RAB11FIP3: variants seen among roughly 807,000 people sequenced by gnomAD.
RAB11FIP3 encodes rab11 family-interacting protein 3.
A neutral mutation model predicts 77.8 loss-of-function variants in RAB11FIP3; 17 were observed. The ratio of observed to expected loss-of-function variants is 0.22; its 90% CI spans 0.15 to 0.33. The LOEUF is 0.33. RAB11FIP3 is among the 10% of genes least tolerant of loss of function. The pLI is 1.00. For missense variants in RAB11FIP3, 1,005 were observed against 1,011.2 expected, an observed-to-expected ratio of 0.99 and a Z score of 0.08; for synonymous variants, 437 against 448.2, an observed-to-expected ratio of 0.98 and a Z score of 0.31.
intron 3 of RAB11FIP3, among the ~76,000 whole-genome samples, chr16:475,394 T>C (rs117622026): frequency 0.012 from 1,824 of 152,376 alleles, 15 homozygotes; most frequent in Non-Finnish European, 0.02. Flanking sequence ...TGATGGCTTC[T>C]GGGCAAGGCC....
chr16:426,140 TC>T lies in RAB11FIP3; in HGVS notation c.135del (p.Gly46AlafsTer194). Reference protein sequence around the residue: ...GPAELRLGAPVGGPDPQSPGL... With the variant: ...GPAELRLGAPXGGPDPQSPGL... Reference sequence around the variant, plus strand: ...GCGGAGCTACGCCTCGGAGCGCCCGTCGGCGGCCCCGACCCGCAGTCCCCGG... The same window carrying T: ...GCGGAGCTACGCCTCGGAGCGCCCGTGGCGGCCCCGACCCGCAGTCCCCGG... On this transcript the variant is annotated frameshift_variant, in exon 1 of 14. Coordinates refer to ENST00000262305, the MANE Select transcript of RAB11FIP3 (RefSeq NM_014700.4). LOFTEE classifies it high-confidence loss of function. The surrounding 1 kb of genome is among the most constrained non-coding windows in gnomAD (Gnocchi z 5.0). 1 of 1,011,226 alleles carries T rather than the reference TC, an allele frequency of 9.9e-7. No individual in the cohort carries two copies. The highest frequency in any genetic ancestry group is 1.2e-6 in the Non-Finnish European group (1 of 848,820). 62.6% of individuals were successfully genotyped at this position (1,011,226 alleles called of 1,614,324 possible). A position where few individuals can be genotyped will look rare whatever the true frequency, so the allele number is the denominator to read the frequency against.
intron 2 of RAB11FIP3, among the ~76,000 whole-genome samples, chr16:463,168 C>G (rs1186799404): frequency 2.0e-5 from 3 of 152,144 alleles, no homozygotes; most frequent in Non-Finnish European, 1.5e-5. Context: ...CAGGCCATCT[C>G]ACTTCCTCAT....
intron 6 of RAB11FIP3, among the ~76,000 whole-genome samples, chr16:499,441 C>G (rs1428775829): frequency 6.6e-6 from 1 of 152,152 alleles, no homozygotes; most frequent in South Asian, 2.1e-4. Flanking sequence ...CTGTCACAGC[C>G]TTGTGTCAGA....
intron 1 of RAB11FIP3, among the ~76,000 whole-genome samples, chr16:443,855 C>T (rs1281812245): frequency 6.6e-6 from 1 of 152,168 alleles, no homozygotes; most frequent in Non-Finnish European, 1.5e-5. Context: ...TGAGCCATCG[C>T]GCCCGGCCTG....
At position 494,041 on chromosome 16, in the gene RAB11FIP3, C is replaced by T. The variant is rs372927879; in HGVS notation, c.1266-2783C>T. Among the ~76,000 whole-genome samples the T allele has an allele frequency of 3.5e-5, 4 of 113,908 alleles. No homozygotes were observed. In the East Asian group the frequency reaches 1.0e-3, roughly 29 times the overall value. The allele number at this position is 113,908 out of a possible 152,430, so 74.7% of individuals were successfully genotyped here. On this transcript the variant is annotated intron_variant, in intron 5 of 13. Transcript: ENST00000262305. The stretch of plus-strand genomic sequence containing the variant: ...GCCTCAGCCTCCCGAGTAGCTGGGA[C>T]TACAGGCGCCCATCACCACACCTGG...
At chr16:510,088 C>T (rs1368555280) in intron 8 of RAB11FIP3, among the ~76,000 whole-genome samples, 1 of 144,340 alleles carries the variant, frequency 6.9e-6, no homozygotes, top group Non-Finnish European at 1.5e-5. Flanking sequence ...GCCCTGGCAC[C>T]TCCACGCCCC....
intron 9 of RAB11FIP3, among the ~76,000 whole-genome samples, chr16:515,047 A>T (rs998822436): frequency 6.6e-6 from 1 of 152,202 alleles, no homozygotes; most frequent in Non-Finnish European, 1.5e-5. Flanking sequence ...GAAGTCAGAA[A>T]GACTGACCCC....
intron 6 of RAB11FIP3, 117 bp from the exon 7 acceptor site, chr16:502,887 C>T: frequency 2.4e-6 from 2 of 818,448 alleles, no homozygotes; most frequent in East Asian, 2.5e-5. Flanking sequence ...CAGGGGAGGA[C>T]CTGTCCCCTG....
chr16:450,541 G>C (rs1206258839), intron 1 of RAB11FIP3, among the ~76,000 whole-genome samples: 1 of 152,128 alleles, frequency 6.6e-6, no homozygotes, highest in East Asian at 1.9e-4. Context: ...AGGGGTCTAG[G>C]TCTGAGTCAG....
chr16:516,925 C>T (rs557921571), intron 9 of RAB11FIP3, among the ~76,000 whole-genome samples: 3 of 152,324 alleles, frequency 2.0e-5, no homozygotes, highest in East Asian at 3.9e-4. Flanking sequence ...ATAATGTCCG[C>T]AGACACTCCC....
chr16:505,563 G>T lies in RAB11FIP3; in HGVS notation c.1435G>T (p.Asp479Tyr). The change falls in exon 8 of 14, where the codon GAC becomes TAC. Residue 479 changes from aspartate to tyrosine, a missense_variant. Physicochemically the swap from Asp to Tyr is radical, Grantham distance 160. Coordinates refer to ENST00000262305, the MANE Select transcript of RAB11FIP3 (RefSeq NM_014700.4). This position sits in a 1 kb window ranked among gnomAD's most constrained non-coding sequence, Gnocchi z 4.0. ...AAGGCGTGTGCTGGAGCTGGAAAAGGACACGGCAGCCACCGGTGAGCAACA... is the reference window on the plus strand; with the variant it reads ...AAGGCGTGTGCTGGAGCTGGAAAAGTACACGGCAGCCACCGGTGAGCAACA... ...LERRVLELEK[D>Y]TAATGEQHSR... 1 of 1,608,056 alleles carries T rather than the reference G, an allele frequency of 6.2e-7. No individual in the cohort carries two copies.
At chr16:432,998 A>G in intron 1 of RAB11FIP3, among the ~76,000 whole-genome samples, 1 of 138,910 alleles carries the variant, frequency 7.2e-6, no homozygotes, top group Non-Finnish European at 1.5e-5. Flanking sequence ...GTAATGATCA[A>G]GTTGGGGTGT....
chr16:428,440 G>C (rs1445701401), intron 1 of RAB11FIP3, among the ~76,000 whole-genome samples: 2 of 152,102 alleles, frequency 1.3e-5, no homozygotes, highest in African/African-American at 4.8e-5. Flanking sequence ...ACATACTCTT[G>C]CTTCAGTACA....
At chr16:435,961 G>T (rs918893443) in intron 1 of RAB11FIP3, among the ~76,000 whole-genome samples, 1 of 152,158 alleles carries the variant, frequency 6.6e-6, no homozygotes, top group African/African-American at 2.4e-5. Flanking sequence ...GATATTTGGA[G>T]AAATGCATAT....
At chr16:455,566 G>A (rs1396956693) in intron 1 of RAB11FIP3, among the ~76,000 whole-genome samples, 1 of 152,038 alleles carries the variant, frequency 6.6e-6, no homozygotes, top group African/African-American at 2.4e-5. Context: ...GGATATGACT[G>A]GAGCAGGTGC....
intron 1 of RAB11FIP3, among the ~76,000 whole-genome samples, chr16:450,530 C>G (rs2055389915): frequency 6.6e-6 from 1 of 152,144 alleles, no homozygotes; most frequent in South Asian, 2.1e-4. Flanking sequence ...TACTTCCGCT[C>G]AGGGGTCTAG....
In RAB11FIP3 at chr16:460,783, C is replaced by A. The variant is rs374275452; in HGVS notation, c.715-621C>A. ...TCAGAACTGATCTCCCCACGTAAGA[C>A]CCTGGCTGCTGGCGTTCAGTGGCCA... On this transcript the variant is annotated intron_variant, in intron 1 of 13. Transcript: ENST00000262305. Among the ~76,000 whole-genome samples the A allele has an allele frequency of 2.7e-4, 41 of 151,858 alleles. 1 individual carries two copies. The highest frequency in any genetic ancestry group is 7.8e-4 in the African/African-American group (32 of 41,132).
intron 9 of RAB11FIP3, among the ~76,000 whole-genome samples, chr16:516,545 G>T (rs1057145510): frequency 3.9e-5 from 6 of 152,212 alleles, no homozygotes; most frequent in African/African-American, 1.4e-4. Context: ...AGCATAAAGT[G>T]CGTGAGTCCA....
Position 490,062 on chromosome 16 carries a change from A to G in RAB11FIP3, c.1265+1062A>G, listed in dbSNP as rs536974752. On this transcript the variant is annotated intron_variant, in intron 5 of 13. Transcript: ENST00000262305. Reference sequence around the variant, plus strand: ...TAAACTTGGGTCTCTGTGCTTGGTAATCACCTCTTCCTACGTGTTTAGTTT... The same window carrying G: ...TAAACTTGGGTCTCTGTGCTTGGTAGTCACCTCTTCCTACGTGTTTAGTTT... 4.6e-5 allele frequency among the ~76,000 whole-genome samples: 7 copies of G among 152,232 alleles called. No homozygotes were observed. In the South Asian group the frequency reaches 1.5e-3, roughly 32 times the overall value.
Sources: gnomAD v4.1 joint callset for allele counts (sites outside exome capture counted in the v4.1 genomes callset) on GRCh38, gnomAD v4.1.1 for gene constraint, Gnocchi (gnomAD v3.1) non-coding constraint, MANE v1.5 for transcripts, NCBI Gene and HGNC (gene_info 2026-07-23, HGNC 2026-07-21) for gene names.